NLRP1: variants seen among roughly 807,000 people sequenced by gnomAD.
The protein encoded by NLRP1 is NLR family pyrin domain containing 1, also known as NACHT, LRR and PYD domains-containing protein 1.
Under a neutral mutation model 136.7 loss-of-function variants are expected in NLRP1, and 94 were observed. The ratio of observed to expected loss-of-function variants is 0.69; its 90% confidence interval spans 0.58 to 0.82. NLRP1 has a LOEUF of 0.82. Ranked by LOEUF, NLRP1 falls within the 40% of genes least tolerant of loss-of-function variation. The pLI, the probability that NLRP1 is intolerant of heterozygous loss-of-function variation, is 0.00. For synonymous variants in NLRP1, 690 were observed against 725.1 expected, an observed-to-expected ratio of 0.95 and a Z score of 0.78; for missense variants, 1,575 against 1,802.7, an observed-to-expected ratio of 0.87 and a Z score of 2.29.
At chr17:5,568,988 CTG>C (rs1397974408) in intron 3 of NLRP1, among the ~76,000 whole-genome samples, 1 of 152,078 alleles carries the variant, frequency 6.6e-6, no homozygotes, top group Non-Finnish European at 1.5e-5. Flanking sequence ...ACCACTATGA[CTG>C]TGCTCCAACC....
At position 5,541,027 on chromosome 17, in the gene NLRP1, T is replaced by G. The variant is rs34198160; in HGVS notation, c.2699+830A>C. The stretch of plus-strand genomic sequence containing the variant: ...GAGGCCCAGCAGGACCAGGGAGAGG[T>G]AACTATGCACTCTTGTTTCTTTTCT... On this transcript the variant is annotated intron_variant, in intron 6 of 16. Coordinates refer to ENST00000572272, the MANE Select transcript of NLRP1 (RefSeq NM_033004.4). The surrounding 1 kb of genome is among the most constrained non-coding windows in gnomAD (Gnocchi z 4.2). 0.047 allele frequency among the ~76,000 whole-genome samples: 7,198 copies of G among 151,976 alleles called. 197 individuals carry two copies. The highest frequency in any genetic ancestry group is 0.089 in the Middle Eastern group (26 of 292).
intron 8 of NLRP1, among the ~76,000 whole-genome samples, chr17:5,535,758 A>C (rs1018376818): frequency 6.6e-6 from 1 of 152,232 alleles, no homozygotes; most frequent in African/African-American, 2.4e-5. Flanking sequence ...CTTCCATTTC[A>C]GGTGAGCCAC....
At chr17:5,521,087 C>A in intron 13 of NLRP1, 75 bp from the exon 14 acceptor site, 1 of 1,431,480 alleles carries the variant, frequency 7.0e-7, no homozygotes, top group East Asian at 2.3e-5. Context: ...GGGGATGGTG[C>A]ATCTGTGTGT....
At chr17:5,553,649 CCT>C in intron 4 of NLRP1, 93 bp from the exon 5 acceptor site, 1 of 1,178,800 alleles carries the variant, frequency 8.5e-7, no homozygotes, top group Non-Finnish European at 1.2e-6. Context: ...GCTTTGTCCC[CCT>C]GAGCACCAGG....
At chr17:5,505,033 T>C (rs1367695480) in intron 15 of NLRP1, 3 of 152,244 alleles carry the variant, frequency 2.0e-5, no homozygotes, top group Non-Finnish European at 2.9e-5. Flanking sequence ...CTGGAAACCA[T>C]GGCTGCCGAA....
chr17:5,555,166 C>T lies in NLRP1; in HGVS notation c.2358-1610G>A, dbSNP rs551557035. Among the ~76,000 whole-genome samples, 4 of 152,244 alleles carry T rather than the reference C, an allele frequency of 2.6e-5. No homozygotes were observed. In the East Asian group the frequency reaches 7.7e-4, roughly 29 times the overall value. ...TTTTATTTCCGTTGGCATTTGCCAT[C>T]CTTAATCAAGGTGACTGAAAAAAAA... On this transcript the variant is annotated intron_variant, in intron 4 of 16. Coordinates refer to ENST00000572272, the MANE Select transcript of NLRP1 (RefSeq NM_033004.4).
At chr17:5,571,229 T>C (rs1488783465) in intron 3 of NLRP1, among the ~76,000 whole-genome samples, 2 of 152,136 alleles carry the variant, frequency 1.3e-5, no homozygotes, top group Non-Finnish European at 2.9e-5. Context: ...TCACCATCTA[T>C]TCAACATAGT....
At chr17:5,521,436 G>C in intron 13 of NLRP1, 88 bp downstream of exon 13, 1 of 1,400,044 alleles carries the variant, frequency 7.1e-7, no homozygotes, top group Non-Finnish European at 9.8e-7. Flanking sequence ...CTTGGTCCCA[G>C]TTGAAGACCC....
Position 5,517,362 on chromosome 17 carries a change from C to CACCCCG in NLRP1, c.4057+383_4057+384insCGGGGT, listed in dbSNP as rs1294248524. Among the ~76,000 whole-genome samples, 12 of 61,568 alleles carry CACCCCG rather than the reference C, an allele frequency of 1.9e-4. 1 individual carries two copies. Among genetic ancestry groups the CACCCCG allele is most frequent in the Non-Finnish European group, 3.8e-4 (10 of 26,136 alleles). The allele number at this position is 61,568 out of a possible 152,430, so 40.4% of individuals were successfully genotyped here. On this transcript the variant is annotated intron_variant, in intron 15 of 16. Transcript: ENST00000572272. The stretch of plus-strand genomic sequence containing the variant: ...TAGTGCACTCTGCACCCCCCCCCCT[C>CACCCCG]CCACATACACAGACTTTCTTCCATT...
chr17:5,581,211 C>A (rs1490639519), intron 3 of NLRP1, among the ~76,000 whole-genome samples: 1 of 152,170 alleles, frequency 6.6e-6, no homozygotes, highest in Non-Finnish European at 1.5e-5. Context: ...AGCCTCTGTA[C>A]CTGTGGCTTT....
chr17:5,531,976 C>T (rs1413964855), intron 11 of NLRP1, among the ~76,000 whole-genome samples: 1 of 152,204 alleles, frequency 6.6e-6, no homozygotes, highest in Non-Finnish European at 1.5e-5. Context: ...GGCGCGGTGG[C>T]TCACGCCTGT....
At chr17:5,552,084 C>CTTTTTTTTTTTTTTTTTTTTTTT (rs71151872) in intron 5 of NLRP1, among the ~76,000 whole-genome samples, 1 of 96,672 alleles carries the variant, frequency 1.0e-5, no homozygotes, top group African/African-American at 5.3e-5. Flanking sequence ...TCTATCTTTC[C>CTTTTTTTTTTTTTTTTTTTTTTT]TTTTTTTTTT....
chr17:5,564,734 GTTTTT>G (rs59428190), intron 3 of NLRP1, among the ~76,000 whole-genome samples: 7 of 97,818 alleles, frequency 7.2e-5, no homozygotes, highest in Non-Finnish European at 1.1e-4. Context: ...AATTTTTAGT[GTTTTT>G]TTTTTTTTTT....
intron 8 of NLRP1, among the ~76,000 whole-genome samples, chr17:5,534,431 G>A (rs1213467088): frequency 6.6e-6 from 1 of 152,140 alleles, no homozygotes. Flanking sequence ...TGGTTCTTCT[G>A]TGGTCCCTGT....
In NLRP1 at chr17:5,583,901, C is replaced by T. The variant is rs370176318; in HGVS notation, c.57G>A (p.Glu19=). The T allele has an allele frequency of 6.2e-6, 10 of 1,605,940 alleles. No homozygotes were observed. The highest frequency in any genetic ancestry group is 8.5e-6 in the Non-Finnish European group (10 of 1,175,694). The change falls in exon 1 of 17, where the codon GAG becomes GAA. Residue 19 remains glutamate, a synonymous_variant. Transcript: ENST00000572272. The surrounding 1 kb of genome is among the most constrained non-coding windows in gnomAD (Gnocchi z 4.5). ...LACYLEFLKK[E]ELKEFQLLLA... ...GCAGAAGCTGGAACTCCTTCAGCTCCTCCTTCTTCAGGAACTCCAAGTAAC... is the reference window on the plus strand; with the variant it reads ...GCAGAAGCTGGAACTCCTTCAGCTCTTCCTTCTTCAGGAACTCCAAGTAAC...
At chr17:5,565,001 T>C (rs946577331) in intron 3 of NLRP1, among the ~76,000 whole-genome samples, 7 of 152,164 alleles carry the variant, frequency 4.6e-5, no homozygotes, top group Non-Finnish European at 8.8e-5. Context: ...CCTCCCAAAG[T>C]GCTGGGATTA....
intron 14 of NLRP1, among the ~76,000 whole-genome samples, chr17:5,519,273 A>G (rs898224325): frequency 6.6e-6 from 1 of 151,898 alleles, no homozygotes; most frequent in African/African-American, 2.4e-5. Context: ...AAGTGCTGGG[A>G]TTACAGGCTT....
chr17:5,583,568 A>T lies in NLRP1; in HGVS notation c.271+119T>A. The T allele has an allele frequency of 9.2e-7, 1 of 1,083,106 alleles. No homozygotes were observed. Among genetic ancestry groups the T allele is most frequent in the Non-Finnish European group, 1.3e-6 (1 of 769,072 alleles). 67.1% of individuals were successfully genotyped at this position (1,083,106 alleles called of 1,614,324 possible). ...GATCCCCCTTTGAGAGGGCAGTTCC[A>T]TGTCACTGCTCAGAGGAAGGCCTGG... On this transcript the variant is annotated intron_variant, in intron 1 of 16. Coordinates refer to ENST00000572272, the MANE Select transcript of NLRP1 (RefSeq NM_033004.4). The surrounding 1 kb of genome is among the most constrained non-coding windows in gnomAD (Gnocchi z 4.5).
At position 5,539,474 on chromosome 17, in the gene NLRP1, A is replaced by C; in HGVS notation, c.2811T>G (p.Val937=). 6.2e-7 allele frequency: 1 copy of C among 1,614,182 alleles called. No individual in the cohort carries two copies. The highest frequency in any genetic ancestry group is 8.5e-7 in the Non-Finnish European group (1 of 1,180,036). ...LDLQQNNLDD[V]GVRLLCEGLR... is the part of the protein sequence containing the mutation. Reference sequence around the variant, plus strand: ...GCCCCTCACAGAGCAGTCGCACGCCAACGTCATCCAGGTTGTTCTGCTGCA... The same window carrying C: ...GCCCCTCACAGAGCAGTCGCACGCCCACGTCATCCAGGTTGTTCTGCTGCA... Residue 937 remains valine (V), a synonymous_variant, in exon 7 of 17, where the codon GTT becomes GTG. Coordinates refer to ENST00000572272, the MANE Select transcript of NLRP1 (RefSeq NM_033004.4).
Sources: gnomAD v4.1 joint callset for allele counts (sites outside exome capture counted in the v4.1 genomes callset) on GRCh38, gnomAD v4.1.1 for gene constraint, Gnocchi (gnomAD v3.1) non-coding constraint, MANE v1.5 for transcripts, NCBI Gene and HGNC (gene_info 2026-07-23, HGNC 2026-07-21) for gene names.